Variants in PDE1C observed in about 807,000 individuals in gnomAD.
PDE1C encodes phosphodiesterase 1C.
A neutral mutation model predicts 93.1 loss-of-function variants in PDE1C; 62 were observed. The observed-to-expected ratio is 0.67, with a 90% CI of 0.54 to 0.82. The LOEUF (loss-of-function observed/expected upper bound fraction) is 0.82. PDE1C is among the 40% of genes least tolerant of loss of function. The pLI, the probability that PDE1C is intolerant of heterozygous loss-of-function variation, is 0.00. For missense variants in PDE1C, 742 were observed against 884.6 expected (o/e 0.84, Z 2.04); for synonymous variants, 325 against 310.1 (o/e 1.05, Z -0.50).
At chr7:32,170,791 A>C (rs11769818) in intron 2 of PDE1C, among the ~76,000 whole-genome samples, 6 of 151,494 alleles carry the variant, frequency 4.0e-5, no homozygotes, top group African/African-American at 1.5e-4. Context: ...ACTCCTCAGG[A>C]GAAGTCCTCC....
In PDE1C at chr7:31,812,058, G is replaced by A. The variant is rs562710614; in HGVS notation, c.1814-2950C>T. ...ACGTGAGCTGTTACTCAATAAACAA[G>A]GGGAAGTGAAAGAGACTTTCTGTGC... On this transcript the variant is annotated intron_variant, in intron 15 of 17. Coordinates refer to ENST00000396191, the MANE Select transcript of PDE1C (RefSeq NM_001191057.4). Among the ~76,000 whole-genome samples the A allele has an allele frequency of 2.0e-5, 3 of 152,246 alleles. No individual in the cohort carries two copies. In the South Asian group the frequency reaches 6.2e-4, roughly 32 times the overall value.
intron 2 of PDE1C, among the ~76,000 whole-genome samples, chr7:32,051,080 AG>A (rs1793289624): frequency 1.3e-5 from 2 of 152,216 alleles, no homozygotes; most frequent in South Asian, 4.1e-4. Context: ...CCCTTTCCAC[AG>A]TCAAATCGAA....
intron 2 of PDE1C, among the ~76,000 whole-genome samples, chr7:32,040,417 T>C (rs929026453): frequency 6.6e-6 from 1 of 152,216 alleles, no homozygotes. Context: ...CTCTATTCAC[T>C]TGATACCAGT....
At chr7:32,233,076 A>T (rs1807821681) in intron 1 of PDE1C, among the ~76,000 whole-genome samples, 1 of 152,220 alleles carries the variant, frequency 6.6e-6, no homozygotes. Flanking sequence ...CAACGTTGAG[A>T]TGGAACAGTT....
At chr7:31,763,093 CCAG>C (rs1413569447) in intron 17 of PDE1C, among the ~76,000 whole-genome samples, 1 of 152,070 alleles carries the variant, frequency 6.6e-6, no homozygotes, top group Non-Finnish European at 1.5e-5. Context: ...TTTGTAATGC[CCAG>C]TTATCCTAAT....
Position 32,156,990 on chromosome 7 carries a change from T to C in PDE1C, c.308+12795A>G, listed in dbSNP as rs569878964. 2.6e-5 allele frequency among the ~76,000 whole-genome samples: 4 copies of C among 152,350 alleles called. No homozygotes were observed. The East Asian group carries it at 7.7e-4, about 29-fold the overall frequency. On this transcript the variant is annotated intron_variant, in intron 3 of 18. Transcript: ENST00000396193. ...TAGGATAAATCTCCTTCCTCATTGC[T>C]GTGCCGAGAAGGACTCAGTGTCACT...
intron 16 of PDE1C, chr7:31,784,560 G>C (rs1222202745): frequency 6.6e-6 from 1 of 151,930 alleles, no homozygotes; most frequent in Admixed American, 6.6e-5. Flanking sequence ...CAAGCAGAAT[G>C]GGTTACCTGG....
Position 32,309,161 on chromosome 7 carries a change from G to A in PDE1C, c.311-99622C>T, listed in dbSNP as rs1039084484. Among the ~76,000 whole-genome samples, 11 of 152,266 alleles carry A rather than the reference G, an allele frequency of 7.2e-5. No homozygotes were observed. In the East Asian group the frequency reaches 7.7e-4, roughly 11 times the overall value. ...AGAAAGGATATCAGTGATGGAAGAC[G>A]AAATGAATGAAATGAAGCAAGAAGG... On this transcript the variant is annotated intron_variant, in intron 1 of 1. Transcript: ENST00000672256.
At chr7:32,201,295 A>T (rs1804992826) in intron 2 of PDE1C, among the ~76,000 whole-genome samples, 1 of 152,228 alleles carries the variant, frequency 6.6e-6, no homozygotes, top group Non-Finnish European at 1.5e-5. Flanking sequence ...TATTCAAAGG[A>T]GTATATATTG....
At chr7:32,154,138 G>C (rs529807642) in intron 3 of PDE1C, among the ~76,000 whole-genome samples, 1 of 152,180 alleles carries the variant, frequency 6.6e-6, no homozygotes, top group Non-Finnish European at 1.5e-5. Flanking sequence ...TTGCACCTGT[G>C]GTCCCAGCTA....
chr7:32,369,890 A>T (rs1251423051), intron 1 of PDE1C, among the ~76,000 whole-genome samples: 1 of 152,244 alleles, frequency 6.6e-6, no homozygotes, highest in Non-Finnish European at 1.5e-5. Context: ...GTAGGAGTGT[A>T]AACTAGTTCA....
chr7:32,014,938 T>C (rs1787689138), intron 2 of PDE1C, among the ~76,000 whole-genome samples: 1 of 152,118 alleles, frequency 6.6e-6, no homozygotes, highest in East Asian at 1.9e-4. Context: ...AATCTTCACG[T>C]GTCAAGGGAG....
chr7:32,329,443 C>T (rs1412222914), intron 1 of PDE1C, among the ~76,000 whole-genome samples: 1 of 152,102 alleles, frequency 6.6e-6, no homozygotes, highest in Non-Finnish European at 1.5e-5. Flanking sequence ...TCTCAATTGC[C>T]GATGAGCTTT....
At chr7:32,307,213 G>C (rs564697036) in intron 1 of PDE1C, among the ~76,000 whole-genome samples, 3 of 152,068 alleles carry the variant, frequency 2.0e-5, no homozygotes, top group Non-Finnish European at 4.4e-5. Flanking sequence ...GCCCAATATA[G>C]GTTGTGGGGA....
intron 9 of PDE1C, among the ~76,000 whole-genome samples, chr7:31,839,641 G>T (rs1025203726): frequency 5.9e-5 from 9 of 152,098 alleles, no homozygotes; most frequent in African/African-American, 2.2e-4. Flanking sequence ...AGCTACTATG[G>T]GTATTCATAC....
upstream of PDE1C, among the ~76,000 whole-genome samples, chr7:32,303,576 C>A (rs1041647117): frequency 6.6e-6 from 1 of 152,094 alleles, no homozygotes; most frequent in Admixed American, 6.5e-5. Flanking sequence ...TCCCTATAGT[C>A]CATTTTTTTG....
chr7:32,150,129 G>A (rs1391854303), intron 3 of PDE1C, among the ~76,000 whole-genome samples: 1 of 152,200 alleles, frequency 6.6e-6, no homozygotes, highest in African/African-American at 2.4e-5. Context: ...CCCAGCACCG[G>A]ATTCAACTCA....
At chr7:32,145,398 C>T (rs777295946) in intron 3 of PDE1C, among the ~76,000 whole-genome samples, 1 of 152,126 alleles carries the variant, frequency 6.6e-6, no homozygotes, top group Non-Finnish European at 1.5e-5. Context: ...CCCTTTTTCC[C>T]ATTAGCTGTG....
the PDE1C span, among the ~76,000 whole-genome samples, chr7:31,697,899 C>T: frequency 6.6e-6 from 1 of 152,170 alleles, no homozygotes; most frequent in Admixed American, 6.5e-5. Context: ...AATTAACTTA[C>T]TCATCTACTT....
Sources: gnomAD v4.1 joint callset for allele counts (sites outside exome capture counted in the v4.1 genomes callset) on GRCh38, gnomAD v4.1.1 for gene constraint, MANE v1.5 for transcripts, NCBI Gene and HGNC (gene_info 2026-07-23, HGNC 2026-07-21) for gene names.